PCDH11X: variants seen among roughly 807,000 people sequenced by gnomAD.
PCDH11X encodes protocadherin-11 X-linked.
A neutral mutation model predicts 53.3 loss-of-function variants in PCDH11X; 18 were observed. That is an observed-to-expected ratio of 0.34 (90% CI 0.23 to 0.50). PCDH11X has a LOEUF of 0.50. Ranked by LOEUF, PCDH11X falls within the 20% of genes least tolerant of loss-of-function variation. The pLI, the probability that PCDH11X is intolerant of heterozygous loss-of-function variation, is 0.98. For synonymous variants in PCDH11X, 279 were observed against 393.3 expected (o/e 0.71, Z 3.44); for missense variants, 570 against 1,032.4 (o/e 0.55, Z 6.14).
intron 1 of PCDH11X, among the ~76,000 whole-genome samples, chrX:91,793,261 T>G (rs1410446217): frequency 9.3e-6 from 1 of 108,050 alleles, no homozygotes; most frequent in Non-Finnish European, 1.9e-5. Flanking sequence ...TAATAGATCC[T>G]TGTTCTTATC....
intron 8 of PCDH11X, among the ~76,000 whole-genome samples, chrX:92,363,335 A>G (rs2070389300): frequency 9.0e-6 from 1 of 111,299 alleles, no homozygotes; most frequent in South Asian, 3.7e-4. Flanking sequence ...TTTCAGCAAA[A>G]TTTTGTAGTT....
chrX:92,136,990 T>A (rs2065093319), intron 6 of PCDH11X, among the ~76,000 whole-genome samples: 1 of 103,889 alleles, frequency 9.6e-6, no homozygotes, highest in Non-Finnish European at 2.0e-5. Flanking sequence ...TTTTCTTTTT[T>A]TTTTTTTCTT....
chrX:92,046,633 G>A (rs778039720), intron 6 of PCDH11X, among the ~76,000 whole-genome samples: 2 of 110,368 alleles, frequency 1.8e-5, no homozygotes, highest in East Asian at 2.8e-4. Context: ...CAAGACAGGG[G>A]TGCCAAGGAA....
intron 9 of PCDH11X, among the ~76,000 whole-genome samples, chrX:92,420,860 T>C (rs1009526792): frequency 9.0e-6 from 1 of 111,204 alleles, no homozygotes; most frequent in African/African-American, 3.3e-5. Flanking sequence ...TTTTTGGTCC[T>C]AATTTCTTCA....
intron 6 of PCDH11X, among the ~76,000 whole-genome samples, chrX:92,083,207 A>C (rs1449430492): frequency 1.1e-4 from 12 of 111,891 alleles, no homozygotes; most frequent in Non-Finnish European, 1.9e-4. Context: ...AGCAAGCAAG[A>C]GTCACCAGAA....
At chrX:91,967,590 A>G (rs2061885934) in intron 6 of PCDH11X, among the ~76,000 whole-genome samples, 1 of 109,284 alleles carries the variant, frequency 9.2e-6, no homozygotes, top group South Asian at 4.1e-4. Flanking sequence ...CCTGGTGCCA[A>G]AAAGGTTGGG....
At position 92,056,884 on chromosome X, in the gene PCDH11X, G is replaced by A. The variant is rs780722781; in HGVS notation, c.3034-144491G>A. 7.2e-3 allele frequency among the ~76,000 whole-genome samples: 770 copies of A among 107,470 alleles called. 15 individuals carry two copies. Among genetic ancestry groups the A allele is most frequent in the Admixed American group, 0.068 (671 of 9,850 alleles). 93.3% of individuals were successfully genotyped at this position (107,470 alleles called of 115,157 possible). A position where few individuals can be genotyped will look rare whatever the true frequency, so the allele number is the denominator to read the frequency against. On this transcript the variant is annotated intron_variant, in intron 6 of 10. Transcript: ENST00000682573. ...TAAAAAACATTATTTGATGTTTTCC[G>A]TTTCAAGATATAACAATTTATTTTC... is the stretch of plus-strand genomic sequence containing the variant.
intron 6 of PCDH11X, among the ~76,000 whole-genome samples, chrX:92,062,494 C>A (rs2148065133): frequency 9.0e-6 from 1 of 111,347 alleles, no homozygotes; most frequent in South Asian, 3.8e-4. Context: ...TTGAGGTATG[C>A]TCCTTCAGAG....
intron 10 of PCDH11X, among the ~76,000 whole-genome samples, chrX:92,563,057 T>TG (rs1385855712): frequency 6.5e-3 from 125 of 19,221 alleles, no homozygotes; most frequent in Non-Finnish European, 1.0e-2. Flanking sequence ...GTTTTTTTTT[T>TG]TTTTTTTTTT....
At chrX:92,608,666 G>GA (rs1443867359) in intron 10 of PCDH11X, among the ~76,000 whole-genome samples, 3 of 109,420 alleles carry the variant, frequency 2.7e-5, no homozygotes, top group Non-Finnish European at 5.7e-5. Flanking sequence ...TATTTTTCTG[G>GA]AAAAAATAAT....
chrX:91,833,802 T>C (rs1937197643), intron 4 of PCDH11X, among the ~76,000 whole-genome samples: 1 of 111,790 alleles, frequency 8.9e-6, no homozygotes, highest in African/African-American at 3.2e-5. Context: ...AGCTATGCAA[T>C]GGGACAGTTA....
At chrX:91,801,816 T>C in intron 1 of PCDH11X, among the ~76,000 whole-genome samples, 1 of 112,062 alleles carries the variant, frequency 8.9e-6, no homozygotes, top group African/African-American at 3.2e-5. Context: ...TGACTCCCAG[T>C]CACACTTAGA....
At position 91,995,852 on chromosome X, in the gene PCDH11X, G is replaced by GTT. The variant is rs1279977266; in HGVS notation, c.3033+116593_3033+116594dup. On this transcript the variant is annotated intron_variant, in intron 6 of 10. Transcript: ENST00000682573. ...CATTTATTTGTATTATCTTCTTTTT[G>GTT]TTTTTTTTTTTTTTTGAGGCCGAGT... 5.8e-4 allele frequency among the ~76,000 whole-genome samples: 55 copies of GTT among 95,309 alleles called. 1 individual carries two copies. Among genetic ancestry groups the GTT allele is most frequent in the African/African-American group, 1.3e-3 (34 of 26,200 alleles). The allele number at this position is 95,309 out of a possible 115,157, so 82.8% of individuals were successfully genotyped here.
intron 6 of PCDH11X, among the ~76,000 whole-genome samples, chrX:92,193,584 T>G (rs1422988497): frequency 9.0e-6 from 1 of 111,005 alleles, no homozygotes; most frequent in Non-Finnish European, 1.9e-5. Flanking sequence ...TCCTCTATAT[T>G]TTTTTCCAAT....
intron 9 of PCDH11X, among the ~76,000 whole-genome samples, chrX:92,401,459 G>T (rs1039220531): frequency 2.7e-5 from 3 of 110,744 alleles, no homozygotes; most frequent in Non-Finnish European, 5.7e-5. Context: ...TCACAAGAGT[G>T]TTTCATTGCA....
chrX:91,944,013 A>G (rs1321126968), intron 6 of PCDH11X, among the ~76,000 whole-genome samples: 2 of 85,759 alleles, frequency 2.3e-5, no homozygotes, highest in African/African-American at 8.0e-5. Context: ...CCAAAGCTGT[A>G]TCTCCTGGAT....
intron 6 of PCDH11X, among the ~76,000 whole-genome samples, chrX:92,093,650 G>A (rs2064084507): frequency 9.0e-6 from 1 of 111,262 alleles, no homozygotes; most frequent in Non-Finnish European, 1.9e-5. Flanking sequence ...ATTCATCTAT[G>A]CATGCTCAGC....
At chrX:91,947,256 A>T (rs926895340) in intron 6 of PCDH11X, among the ~76,000 whole-genome samples, 2 of 109,680 alleles carry the variant, frequency 1.8e-5, no homozygotes, top group Non-Finnish European at 1.9e-5. Context: ...AATGATTATT[A>T]TCAACATCAT....
chrX:92,034,106 TAG>T (rs769486380), intron 6 of PCDH11X, among the ~76,000 whole-genome samples: 2 of 111,170 alleles, frequency 1.8e-5, no homozygotes, highest in Admixed American at 9.7e-5. Context: ...ATGGTGTTTT[TAG>T]AAGATGCTTG....
Sources: allele counts gnomAD v4.1 joint callset (sites outside exome capture counted in the v4.1 genomes callset), GRCh38; gene constraint gnomAD v4.1.1; transcripts MANE v1.5; gene names NCBI Gene and HGNC (gene_info 2026-07-23, HGNC 2026-07-21).